Variants in SSH2 observed in about 807,000 individuals in gnomAD.
SSH2 encodes protein phosphatase Slingshot homolog 2.
SSH2 carries 37 observed loss-of-function variants against 135.2 expected under a neutral mutation model. The observed-to-expected ratio is 0.27, with a 90% CI of 0.21 to 0.36. The LOEUF is 0.36. Among genes scored for constraint, SSH2 ranks in the 10% least tolerant of loss-of-function variants. The probability of loss-of-function intolerance (pLI) is 1.00; values close to 1 mark genes in which losing one functional copy is unlikely to be tolerated. For synonymous variants in SSH2, 628 were observed against 646.2 expected (o/e 0.97, Z 0.43); for missense variants, 1,408 against 1,765.3 (o/e 0.80, Z 3.63).
intron 1 of SSH2, among the ~76,000 whole-genome samples, chr17:29,897,232 A>AACTTCATC (rs2066462858): frequency 6.6e-6 from 1 of 152,202 alleles, no homozygotes; most frequent in South Asian, 2.1e-4. Flanking sequence ...ACTAACGAGC[A>AACTTCATC]AAATAACCAG....
rs182686924 is a variant in SSH2, at chr17:29,696,555, C to A, written c.293-1032G>T. 2.1e-5 allele frequency among the ~76,000 whole-genome samples: 3 copies of A among 144,556 alleles called. No homozygotes were observed. In the East Asian group the frequency reaches 6.6e-4, roughly 32 times the overall value. The allele number at this position is 144,556 out of a possible 152,430, so 94.8% of individuals were successfully genotyped here. A position where few individuals can be genotyped will look rare whatever the true frequency, so the allele number is the denominator to read the frequency against. ...GCTAGAGCTTGCAGAGCCAAGATTG[C>A]GCTACTGCACTCCAGCCTGGGCGAC... On this transcript the variant is annotated intron_variant, in intron 4 of 15. Transcript: ENST00000540801.
chr17:29,772,911 T>C (rs2041617085), intron 3 of SSH2, among the ~76,000 whole-genome samples: 1 of 152,060 alleles, frequency 6.6e-6, no homozygotes, highest in African/African-American at 2.4e-5. Flanking sequence ...TCTGAGGCTT[T>C]TGGACTTGGA....
rs550163047 is a variant in SSH2 at position 29,679,012 on chromosome 17, G to A, written c.480-1271C>T. 1.1e-4 allele frequency among the ~76,000 whole-genome samples: 16 copies of A among 151,982 alleles called. No homozygotes were observed. In the South Asian group the frequency reaches 1.7e-3, roughly 16 times the overall value. On this transcript the variant is annotated intron_variant, in intron 6 of 15. Coordinates refer to ENST00000540801, the MANE Select transcript of SSH2 (RefSeq NM_001282129.2). Reference sequence around the variant, plus strand: ...ATTACAGGCATGAGCCACTGCACCCGGCCTAAAATGCTATTTCAATCTCAC... The same window carrying A: ...ATTACAGGCATGAGCCACTGCACCCAGCCTAAAATGCTATTTCAATCTCAC...
intron 1 of SSH2, among the ~76,000 whole-genome samples, chr17:29,854,253 G>A (rs142826669): frequency 9.9e-5 from 15 of 151,974 alleles, no homozygotes; most frequent in South Asian, 4.1e-4. Context: ...CCCCTACTGC[G>A]TATTAAGCAC....
intron 3 of SSH2, among the ~76,000 whole-genome samples, chr17:29,708,418 T>A (rs948022995): frequency 2.0e-5 from 3 of 151,434 alleles, no homozygotes; most frequent in Admixed American, 6.6e-5. Context: ...CGAAACCCCA[T>A]CTCGACTAAA....
chr17:29,822,026 G>C (rs2042661113), intron 2 of SSH2, among the ~76,000 whole-genome samples: 1 of 152,178 alleles, frequency 6.6e-6, no homozygotes, highest in Non-Finnish European at 1.5e-5. Context: ...ACAGTAACCT[G>C]GGTCAAATTT....
At chr17:29,704,186 C>T (rs1180174457) in intron 3 of SSH2, among the ~76,000 whole-genome samples, 1 of 152,088 alleles carries the variant, frequency 6.6e-6, no homozygotes, top group African/African-American at 2.4e-5. Context: ...AAGTATGTTA[C>T]AATATTTAGC....
intron 3 of SSH2, among the ~76,000 whole-genome samples, chr17:29,785,645 G>A (rs1312674453): frequency 6.6e-6 from 1 of 151,472 alleles, no homozygotes; most frequent in Non-Finnish European, 1.5e-5. Context: ...GATTACAGGA[G>A]CGTGCCATCA....
At chr17:29,819,870 A>T (rs1298791436) in intron 2 of SSH2, among the ~76,000 whole-genome samples, 3 of 152,244 alleles carry the variant, frequency 2.0e-5, no homozygotes, top group African/African-American at 7.2e-5. Context: ...CTCAGCCTTT[A>T]GAACAACTGC....
chr17:29,687,826 T>A (rs895730519), intron 5 of SSH2, among the ~76,000 whole-genome samples: 8 of 152,154 alleles, frequency 5.3e-5, no homozygotes, highest in African/African-American at 1.9e-4. Context: ...ACAAATGAAC[T>A]TTGTTTCTGA....
intron 2 of SSH2, among the ~76,000 whole-genome samples, chr17:29,798,704 C>T (rs2042200005): frequency 6.6e-6 from 1 of 152,160 alleles, no homozygotes; most frequent in African/African-American, 2.4e-5. Context: ...TGCCCACAGA[C>T]AGCATTTGAA....
chr17:29,757,797 G>C (rs2041177193), intron 3 of SSH2, among the ~76,000 whole-genome samples: 1 of 146,632 alleles, frequency 6.8e-6, no homozygotes, highest in African/African-American at 2.5e-5. Flanking sequence ...GGTGGGGTGG[G>C]GGGCCGGGGT....
intron 1 of SSH2, among the ~76,000 whole-genome samples, chr17:29,916,454 AT>A (rs373512016): frequency 0.012 from 1,823 of 147,342 alleles, 31 homozygotes; most frequent in African/African-American, 0.042. Context: ...GTTGTTAAAG[AT>A]TTTTTTTTTC....
intron 2 of SSH2, among the ~76,000 whole-genome samples, chr17:29,840,535 T>C (rs1403134237): frequency 6.6e-6 from 1 of 152,188 alleles, no homozygotes; most frequent in East Asian, 1.9e-4. Context: ...TGTACTTAAA[T>C]AATATATTTT....
At chr17:29,645,256 G>A (rs1270337246) in intron 14 of SSH2, 1 of 152,180 alleles carries the variant, frequency 6.6e-6, no homozygotes, top group Non-Finnish European at 1.5e-5. Flanking sequence ...TAACTTCTCA[G>A]GGTTGCAGCA....
At chr17:29,711,438 A>C in intron 3 of SSH2, among the ~76,000 whole-genome samples, 1 of 152,186 alleles carries the variant, frequency 6.6e-6, no homozygotes, top group South Asian at 2.1e-4. Flanking sequence ...CGATCTTCTA[A>C]TTCCATTTTT....
intron 3 of SSH2, among the ~76,000 whole-genome samples, chr17:29,712,645 A>T (rs1423287413): frequency 6.6e-6 from 1 of 152,168 alleles, no homozygotes; most frequent in Non-Finnish European, 1.5e-5. Flanking sequence ...CTCTACTAAA[A>T]ATACAAAAAT....
chr17:29,883,731 T>C (rs1022945858), intron 1 of SSH2, among the ~76,000 whole-genome samples: 3 of 152,186 alleles, frequency 2.0e-5, no homozygotes, highest in African/African-American at 7.2e-5. Context: ...TTTAGTGTCT[T>C]AGACCAGTCC....
chr17:29,922,290 T>C (rs971318189), intron 1 of SSH2, among the ~76,000 whole-genome samples: 3 of 152,180 alleles, frequency 2.0e-5, no homozygotes, highest in Non-Finnish European at 2.9e-5. Flanking sequence ...ATTCAAATTA[T>C]AGACTTTATT....
Sources: allele counts gnomAD v4.1 joint callset (sites outside exome capture counted in the v4.1 genomes callset), GRCh38; gene constraint gnomAD v4.1.1; transcripts MANE v1.5; gene names NCBI Gene and HGNC (gene_info 2026-07-23, HGNC 2026-07-21).